Variants in IFIH1 observed in about 807,000 individuals in gnomAD.
IFIH1 encodes the protein interferon induced with helicase C domain 1.
IFIH1 carries 125 observed loss-of-function variants against 107.4 expected under a neutral mutation model. The observed-to-expected ratio is 1.16, with a 90% confidence interval of 1.01 to 1.35. The LOEUF is 1.35. Ranked by LOEUF, IFIH1 falls within the 40% of genes most tolerant of loss-of-function variation. The pLI, the probability that IFIH1 is intolerant of heterozygous loss-of-function variation, is 0.00. For missense variants in IFIH1, 1,333 were observed against 1,213.7 expected, an observed-to-expected ratio of 1.10 and a Z score of -1.46; for synonymous variants, 458 against 413.2, an observed-to-expected ratio of 1.11 and a Z score of -1.31.
chr2:162,286,844 G>A (rs1447911852), intron 5 of IFIH1, among the ~76,000 whole-genome samples: 1 of 151,904 alleles, frequency 6.6e-6, no homozygotes, highest in African/African-American at 2.4e-5. Context: ...AGTAAAAGCA[G>A]GAGTCATTAC....
At chr2:162,278,890 A>G (rs1001865026) in intron 8 of IFIH1, among the ~76,000 whole-genome samples, 2 of 152,102 alleles carry the variant, frequency 1.3e-5, no homozygotes, top group African/African-American at 4.8e-5. Flanking sequence ...AGGGGGAGCC[A>G]GGAGCTTTTA....
Position 162,277,444 on chromosome 2 carries a change from G to A in IFIH1, c.2015C>T (p.Thr672Ile), listed in dbSNP as rs527242746. ...AAATAAAGTCATGAGAAATCTATCT[G>A]TTTCATCCAGTTTCAAAGGTTTCTT... ...DLKKPLKLDE[T>I]DRFLMTLFFE... The change falls in exon 10 of 16, where the codon ACA becomes ATA. Residue 672 changes from threonine to isoleucine, a missense_variant. Coordinates refer to ENST00000649979, the MANE Select transcript of IFIH1 (RefSeq NM_022168.4). 2.9e-5 allele frequency: 47 copies of A among 1,608,234 alleles called. No individual in the cohort carries two copies. The East Asian group carries it at 9.8e-4, about 34-fold the overall frequency.
chr2:162,298,790 G>A (rs535974633), intron 3 of IFIH1, among the ~76,000 whole-genome samples: 2,787 of 149,282 alleles, frequency 0.019, 39 homozygotes, highest in Non-Finnish European at 0.029. Context: ...ACGCGCGCGC[G>A]CACACACACA....
rs1369188675 is a variant in IFIH1, at chr2:162,306,833, A to C, written c.645T>G (p.Val215=). The C allele has an allele frequency of 6.2e-7, 1 of 1,613,848 alleles. No homozygotes were observed. The highest frequency in any genetic ancestry group is 8.5e-7 in the Non-Finnish European group (1 of 1,179,822). ...SNAEIENLSQ[V]DGPQVEEQLL... ...GTTGCTCTTCCACTTGAGGACCATC[A>C]ACTTGTGATAAATTCTCAATCTCTG... Residue 215 remains valine (V), a synonymous_variant, in exon 3 of 16, where the codon GTT becomes GTG. Coordinates refer to ENST00000649979, the MANE Select transcript of IFIH1 (RefSeq NM_022168.4).
rs1429995049 is a variant in IFIH1, at chr2:162,277,488, A to G, written c.1971T>C (p.Asp657=). The change falls in exon 10 of 16, where the codon GAT becomes GAC. Residue 657 remains aspartate, a synonymous_variant. Transcript: ENST00000649979. The part of the protein sequence containing the change: ...EGGDDEYCDG[D]EDEDDLKKPL... ...GTTTCTTTAAATCATCCTCATCTTC[A>G]TCACCATCACAATACTCATCATCAC... The G allele has an allele frequency of 1.9e-6, 3 of 1,599,690 alleles. No homozygotes were observed. Among genetic ancestry groups the G allele is most frequent in the African/African-American group, 1.3e-5 (1 of 74,628 alleles).
chr2:162,267,663 C>A, intron 14 of IFIH1, 94 bp from the exon 15 acceptor site: 2 of 904,772 alleles, frequency 2.2e-6, no homozygotes, highest in South Asian at 1.4e-5. Context: ...CATCCGCATG[C>A]CTGCGGTATT....
Position 162,318,089 on chromosome 2 carries a change from A to G in IFIH1, c.219T>C (p.Leu73=), listed in dbSNP as rs1683544691. 1 of 1,614,020 alleles carries G rather than the reference A, an allele frequency of 6.2e-7. No homozygotes were observed. Among genetic ancestry groups the G allele is most frequent in the Admixed American group, 1.7e-5 (1 of 60,002 alleles). Residue 73 remains leucine, a synonymous_variant, in exon 1 of 16, where the codon CTT becomes CTC. Coordinates refer to ENST00000649979, the MANE Select transcript of IFIH1 (RefSeq NM_022168.4). ...CCTCCACGAATTCCCGAGTCCAACC[A>G]AGGTGCCAGACTCCCTTCTCCAAGG... The part of the protein sequence containing the change: ...LSTLEKGVWH[L]GWTREFVEAL...
chr2:162,276,989 T>A, intron 10 of IFIH1, 43 bp from the exon 11 acceptor site: 1 of 1,445,040 alleles, frequency 6.9e-7, no homozygotes, highest in Non-Finnish European at 9.4e-7. Context: ...AAGCTTGATT[T>A]AGCCACTCCA....
chr2:162,276,695 T>G lies in IFIH1; in HGVS notation c.2296A>C (p.Met766Leu). Residue 766 changes from methionine (M) to leucine (L), a missense_variant, in exon 11 of 16, where the codon ATG becomes CTG. Physicochemically the swap from Met to Leu is conservative, Grantham distance 15. Transcript: ENST00000649979. ...CAAAAGGATATTTATACCTGTGTCA[T>G]GGGTTTGAACTCACTGCTGTGTCCA... is the stretch of plus-strand genomic sequence containing the variant. ...GAGHSSEFKPMTQNEQKEVIS... is the reference protein window; with the variant it reads ...GAGHSSEFKPLTQNEQKEVIS... 6.2e-7 allele frequency: 1 copy of G among 1,608,610 alleles called. No homozygotes were observed. Among genetic ancestry groups the G allele is most frequent in the Middle Eastern group, 1.7e-4 (1 of 6,016 alleles).
At position 162,281,438 on chromosome 2, in the gene IFIH1, T is replaced by C; in HGVS notation, c.1414A>G (p.Lys472Glu). The change falls in exon 7 of 16, where the codon AAG (lysine) becomes GAG (glutamate). Residue 472 changes from lysine to glutamate, a missense_variant. Coordinates refer to ENST00000649979, the MANE Select transcript of IFIH1 (RefSeq NM_022168.4). The part of the protein sequence containing the change: ...LMQKLKNNRL[K>E]KENKPVIPLP... ...GGAATCACTGGTTTGTTTTCTTTCT[T>C]GAGTCTATTGTTTTTCAACTTCTGC... 1.4e-5 allele frequency: 22 copies of C among 1,612,656 alleles called. No individual in the cohort carries two copies. Among genetic ancestry groups the C allele is most frequent in the Non-Finnish European group, 1.9e-5 (22 of 1,179,062 alleles).
intron 2 of IFIH1, among the ~76,000 whole-genome samples, chr2:162,308,205 A>C (rs765544816): frequency 3.0e-4 from 46 of 152,142 alleles, no homozygotes; most frequent in Non-Finnish European, 3.4e-4. Flanking sequence ...AGGTGACAGC[A>C]GGGTCAATGT....
intron 4 of IFIH1, among the ~76,000 whole-genome samples, chr2:162,292,100 A>G (rs1683006450): frequency 6.6e-6 from 1 of 151,902 alleles, no homozygotes; most frequent in Non-Finnish European, 1.5e-5. Context: ...GAAGGTACAC[A>G]TTAAATATTT....
intron 3 of IFIH1, among the ~76,000 whole-genome samples, chr2:162,298,733 A>G (rs1485176039): frequency 1.3e-5 from 2 of 152,038 alleles, no homozygotes; most frequent in East Asian, 3.9e-4. Flanking sequence ...GAGGAAATAG[A>G]TCACTTTTAT....
rs963903258 is a variant in IFIH1 at position 162,277,670 on chromosome 2, C to G, written c.1789G>C (p.Glu597Gln). 6.2e-7 allele frequency: 1 copy of G among 1,604,450 alleles called. No individual in the cohort carries two copies. The highest frequency in any genetic ancestry group is 8.5e-7 in the Non-Finnish European group (1 of 1,175,670). ...CTCAAATGTTCTGCACAAACACGTTCTTTGCGATTTCCTTCTTTTGCAGCT... is the reference window on the plus strand; with the variant it reads ...CTCAAATGTTCTGCACAAACACGTTGTTTGCGATTTCCTTCTTTTGCAGCT... ...KKAAKEGNRK[E>Q]RVCAEHLRKY... The change falls in exon 10 of 16, where the codon GAA becomes CAA. Residue 597 changes from glutamate (E) to glutamine (Q), a missense_variant. Transcript: ENST00000649979.
intron 13 of IFIH1, among the ~76,000 whole-genome samples, chr2:162,268,743 C>G (rs1482426875): frequency 1.3e-5 from 2 of 152,074 alleles, no homozygotes; most frequent in Non-Finnish European, 2.9e-5. Flanking sequence ...GCACCTGCCA[C>G]CATGCTCAGC....
At chr2:162,279,236 A>T (rs1184754539) in intron 8 of IFIH1, among the ~76,000 whole-genome samples, 2 of 152,140 alleles carry the variant, frequency 1.3e-5, no homozygotes, top group East Asian at 3.9e-4. Context: ...TTCAGAATTT[A>T]AAAAAAGAGA....
intron 13 of IFIH1, among the ~76,000 whole-genome samples, chr2:162,269,936 T>G (rs1408291810): frequency 1.3e-5 from 2 of 152,188 alleles, no homozygotes; most frequent in Non-Finnish European, 1.5e-5. Context: ...CCTAAAAGTT[T>G]TAATAGGTTA....
intron 3 of IFIH1, among the ~76,000 whole-genome samples, chr2:162,304,922 C>A (rs1286251926): frequency 6.6e-6 from 1 of 152,134 alleles, no homozygotes; most frequent in East Asian, 1.9e-4. Context: ...TAGTATAAAT[C>A]ATTTGACCCA....
chr2:162,286,081 G>A (rs755167446), intron 5 of IFIH1, among the ~76,000 whole-genome samples: 8 of 151,922 alleles, frequency 5.3e-5, no homozygotes, highest in Admixed American at 1.3e-4. Context: ...TCTGGACACC[G>A]CATTTAAGAG....
Sources: allele counts gnomAD v4.1 joint callset (sites outside exome capture counted in the v4.1 genomes callset), GRCh38; gene constraint gnomAD v4.1.1; transcripts MANE v1.5; gene names NCBI Gene and HGNC (gene_info 2026-07-23, HGNC 2026-07-21).